Variants in SYNPO observed in about 807,000 individuals in gnomAD.
The protein encoded by SYNPO is synaptopodin.
A neutral mutation model predicts 49.5 loss-of-function variants in SYNPO; 19 were observed. That is an observed-to-expected ratio of 0.38 (90% CI 0.27 to 0.56). The LOEUF (loss-of-function observed/expected upper bound fraction) is 0.56. Ranked by LOEUF, SYNPO falls within the 20% of genes least tolerant of loss-of-function variation. The probability of loss-of-function intolerance (pLI) is 0.68; values close to 1 mark genes in which losing one functional copy is unlikely to be tolerated. For missense variants in SYNPO, 1,131 were observed against 1,248.3 expected, an observed-to-expected ratio of 0.91 and a Z score of 1.42; for synonymous variants, 536 against 548.0, an observed-to-expected ratio of 0.98 and a Z score of 0.31.
rs1758224759 is a variant in SYNPO at position 150,648,902 on chromosome 5, G to A, written c.627G>A (p.Met209Ile). The change falls in exon 2 of 3, where the codon ATG becomes ATA. Residue 209 changes from methionine (M) to isoleucine (I), a missense_variant. Coordinates refer to ENST00000307662, the MANE Select transcript of SYNPO (RefSeq NM_007286.6). The surrounding 1 kb of genome is among the most constrained non-coding windows in gnomAD (Gnocchi z 5.0). ...NTLVVSADQE[M>I]SGRAAATTPT... is the part of the protein sequence containing the mutation. ...TAGTGGTGTCAGCAGATCAAGAGAT[G>A]TCTGGGCGAGCAGCTGCCACCACGC... The A allele has an allele frequency of 3.1e-6, 5 of 1,614,190 alleles. No homozygotes were observed. The highest frequency in any genetic ancestry group is 4.2e-6 in the Non-Finnish European group (5 of 1,180,042).
At chr5:150,653,197 G>A (rs369521151) in intron 2 of SYNPO, 1 of 152,096 alleles carries the variant, frequency 6.6e-6, no homozygotes, top group Non-Finnish European at 1.5e-5. Flanking sequence ...CAGCCTTTTC[G>A]TACTGTGCAC....
At chr5:150,630,055 C>T (rs554708915) in intron 2 of SYNPO, among the ~76,000 whole-genome samples, 26 of 152,324 alleles carry the variant, frequency 1.7e-4, no homozygotes, top group African/African-American at 6.0e-4. Flanking sequence ...AAGGAGGAGC[C>T]TCACTGGGTC....
intron 2 of SYNPO, among the ~76,000 whole-genome samples, chr5:150,630,682 C>T (rs1306600675): frequency 6.6e-6 from 1 of 152,202 alleles, no homozygotes; most frequent in African/African-American, 2.4e-5. Context: ...TGGCTCTGGG[C>T]CTGAGGCTGA....
At chr5:150,600,544 G>A (rs1014244671), upstream of SYNPO, among the ~76,000 whole-genome samples, 1 of 152,238 alleles carries the variant, frequency 6.6e-6, no homozygotes, top group African/African-American at 2.4e-5. Context: ...TCTGCAATGA[G>A]GATAGCAGAG....
intron 1 of SYNPO, among the ~76,000 whole-genome samples, chr5:150,612,145 G>A (rs1581456031): frequency 6.6e-6 from 1 of 152,214 alleles, no homozygotes; most frequent in Admixed American, 6.5e-5. Context: ...TCTTCCTGTT[G>A]TCAGGGAGAA....
the SYNPO span, among the ~76,000 whole-genome samples, chr5:150,590,157 G>A: frequency 3.9e-5 from 6 of 152,224 alleles, no homozygotes; most frequent in Non-Finnish European, 5.9e-5. Flanking sequence ...AGCGCCAGCC[G>A]CACAGGCTCT....
chr5:150,651,271 G>C, intron 2 of SYNPO: 7 of 1,001,396 alleles, frequency 7.0e-6, no homozygotes, highest in Non-Finnish European at 8.4e-6. Context: ...ACGGGGCCCA[G>C]GGGGAGGCAG....
the SYNPO span, among the ~76,000 whole-genome samples, chr5:150,586,060 T>A: frequency 2.0e-5 from 3 of 151,426 alleles, no homozygotes; most frequent in African/African-American, 7.3e-5. Context: ...TCCTCAGGAT[T>A]CATTGGCATC....
At chr5:150,611,552 C>G (rs568841832) in intron 1 of SYNPO, among the ~76,000 whole-genome samples, 3 of 152,338 alleles carry the variant, frequency 2.0e-5, no homozygotes, top group South Asian at 2.1e-4. Context: ...TGGGGCTCCC[C>G]CCAGCTCCAC....
intron 1 of SYNPO, among the ~76,000 whole-genome samples, chr5:150,603,642 G>A (rs760559743): frequency 2.0e-5 from 3 of 152,224 alleles, no homozygotes; most frequent in Non-Finnish European, 4.4e-5. Context: ...CAGGCAAAGG[G>A]TACCAAGCTT....
intron 2 of SYNPO, among the ~76,000 whole-genome samples, chr5:150,628,827 G>C (rs1401248576): frequency 6.6e-5 from 10 of 152,230 alleles, no homozygotes; most frequent in Non-Finnish European, 1.5e-4. Flanking sequence ...AGACTCGCCT[G>C]AACCCAGGAG....
rs1253736143 is a variant in SYNPO, at chr5:150,656,744, C to CGCCCCCGCCCCT, written c.2380_2381insTGCCCCCGCCCC (p.Pro793_Pro794insLeuProProPro). The CGCCCCCGCCCCT allele has an allele frequency of 2.0e-3, 2,242 of 1,139,252 alleles. 13 individuals are homozygous for CGCCCCCGCCCCT. The highest frequency in any genetic ancestry group is 0.017 in the Middle Eastern group (48 of 2,802). The allele number at this position is 1,139,252 out of a possible 1,614,324, so 70.6% of individuals were successfully genotyped here. A position where few individuals can be genotyped will look rare whatever the true frequency, so the allele number is the denominator to read the frequency against. On this transcript the variant is annotated inframe_insertion, in exon 3 of 3. Transcript: ENST00000307662. ...CCCTTCTCCCCGCCGAGGGCGCCAC[C>CGCCCCCGCCCCT]GCCCCCGCCCCCGCCCCCGCCCCCG... is the stretch of plus-strand genomic sequence containing the variant.
Position 150,648,801 on chromosome 5 carries a change from C to G in SYNPO, c.526C>G (p.Leu176Val). Reference protein sequence around the residue: ...TTSTFSREATLIPSSRPPASD... With the variant: ...TTSTFSREATVIPSSRPPASD... ...CAGCACCTTCTCCAGAGAAGCTACG[C>G]TCATCCCCAGCTCCAGGCCCCCAGC... The change falls in exon 2 of 3, where the codon CTC becomes GTC. Residue 176 changes from leucine (L) to valine (V), a missense_variant. Physicochemically the swap from Leu to Val is conservative, Grantham distance 32 (BLOSUM62 1). Coordinates refer to ENST00000307662, the MANE Select transcript of SYNPO (RefSeq NM_007286.6). The surrounding 1 kb of genome is among the most constrained non-coding windows in gnomAD (Gnocchi z 5.0). 1 of 1,614,254 alleles carries G rather than the reference C, an allele frequency of 6.2e-7. No homozygotes were observed. Among genetic ancestry groups the G allele is most frequent in the Non-Finnish European group, 8.5e-7 (1 of 1,180,036 alleles).
chr5:150,619,604 G>T (rs933339192), intron 2 of SYNPO, among the ~76,000 whole-genome samples: 1 of 152,180 alleles, frequency 6.6e-6, no homozygotes, highest in African/African-American at 2.4e-5. Context: ...GCTGAAGTGG[G>T]TCCAGATGGG....
At chr5:150,608,188 C>G (rs1756746138) in intron 1 of SYNPO, among the ~76,000 whole-genome samples, 1 of 152,200 alleles carries the variant, frequency 6.6e-6, no homozygotes, top group African/African-American at 2.4e-5. Flanking sequence ...AGGCCCCAAG[C>G]CCTTGGCATA....
At chr5:150,646,469 C>T (rs1189807162) in intron 1 of SYNPO, among the ~76,000 whole-genome samples, 1 of 152,132 alleles carries the variant, frequency 6.6e-6, no homozygotes, top group Non-Finnish European at 1.5e-5. Flanking sequence ...CCTGTAATCC[C>T]AGCACTTTGA....
intron 2 of SYNPO, among the ~76,000 whole-genome samples, chr5:150,622,381 G>GA (rs1436943124): frequency 1.3e-5 from 2 of 152,200 alleles, no homozygotes; most frequent in African/African-American, 4.8e-5. Context: ...CTGGGGCTGG[G>GA]AAAAGGTTGT....
At chr5:150,654,856 T>C (rs1179478529) in intron 2 of SYNPO, among the ~76,000 whole-genome samples, 1 of 152,228 alleles carries the variant, frequency 6.6e-6, no homozygotes, top group African/African-American at 2.4e-5. Context: ...CCAGGCGCGG[T>C]GGCTCACGCC....
At chr5:150,642,391 C>A (rs1349830498) in intron 1 of SYNPO, among the ~76,000 whole-genome samples, 2 of 152,234 alleles carry the variant, frequency 1.3e-5, no homozygotes, top group East Asian at 3.9e-4. Context: ...AGCACCCCAA[C>A]TTGGCCCTGC....
Sources: allele counts gnomAD v4.1 joint callset (sites outside exome capture counted in the v4.1 genomes callset), GRCh38; gene constraint gnomAD v4.1.1; non-coding constraint Gnocchi (gnomAD v3.1); transcripts MANE v1.5; gene names NCBI Gene and HGNC (gene_info 2026-07-23, HGNC 2026-07-21).